CTNNA2: variants seen among roughly 807,000 people sequenced by gnomAD.
CTNNA2 encodes catenin alpha-2.
CTNNA2 carries 42 observed loss-of-function variants against 101.0 expected under a neutral mutation model. The ratio of observed to expected loss-of-function variants is 0.42; its 90% CI spans 0.32 to 0.54. CTNNA2 has a LOEUF of 0.54. Ranked by LOEUF, CTNNA2 falls within the 20% of genes least tolerant of loss-of-function variation. CTNNA2 has a pLI of 0.14. For synonymous variants in CTNNA2, 450 were observed against 456.4 expected, an observed-to-expected ratio of 0.99 and a Z score of 0.18; for missense variants, 871 against 1,223.1, an observed-to-expected ratio of 0.71 and a Z score of 4.29.
chr2:80,565,344 T>C (rs1195964964), intron 12 of CTNNA2, among the ~76,000 whole-genome samples: 2 of 152,090 alleles, frequency 1.3e-5, no homozygotes, highest in Admixed American at 6.6e-5. Flanking sequence ...TGAGGGCAGA[T>C]TATTTCACAG....
chr2:79,442,912 C>T (rs148532819), intron 4 of CTNNA2, among the ~76,000 whole-genome samples: 1 of 152,230 alleles, frequency 6.6e-6, no homozygotes, highest in African/African-American at 2.4e-5. Flanking sequence ...CTCCACCTCA[C>T]ACATGCTTAC....
chr2:80,475,106 C>A (rs373964698), intron 9 of CTNNA2, among the ~76,000 whole-genome samples: 5 of 152,060 alleles, frequency 3.3e-5, no homozygotes, highest in Non-Finnish European at 7.4e-5. Context: ...TCATCAGCAC[C>A]CTTTTCCAAA....
chr2:80,572,810 A>G (rs1573318998), intron 12 of CTNNA2: 2 of 148,674 alleles, frequency 1.3e-5, no homozygotes, highest in African/African-American at 2.6e-5. Flanking sequence ...TAGAGAACCA[A>G]TTATAGTAAT....
intron 3 of CTNNA2, among the ~76,000 whole-genome samples, chr2:79,763,303 A>G (rs1023256298): frequency 6.6e-6 from 1 of 152,182 alleles, no homozygotes; most frequent in Non-Finnish European, 1.5e-5. Context: ...ATTCAGCTTT[A>G]TATTCATCTT....
At position 79,457,593 on chromosome 2, in the gene CTNNA2, T is replaced by C. The variant is rs62157002; in HGVS notation, c.-134-47461T>C. The stretch of plus-strand genomic sequence containing the variant: ...AGAGCAAGCCCAGTTATAAGGCTCA[T>C]ATGAAAAACATATATGTTGTCAGTT... On this transcript the variant is annotated intron_variant, in intron 4 of 21. Coordinates refer to the CTNNA2 transcript ENST00000466387. Among the ~76,000 whole-genome samples, 967 of 152,294 alleles carry C rather than the reference T, an allele frequency of 6.3e-3. 7 individuals carry two copies. The highest frequency in any genetic ancestry group is 0.011 in the Non-Finnish European group (715 of 68,022).
At chr2:80,274,231 C>T (rs1673719379) in intron 7 of CTNNA2, among the ~76,000 whole-genome samples, 1 of 152,080 alleles carries the variant, frequency 6.6e-6, no homozygotes, top group South Asian at 2.1e-4. Context: ...CATTATGAGG[C>T]CTTTGGTTGT....
intron 1 of CTNNA2, among the ~76,000 whole-genome samples, chr2:79,610,684 C>G (rs897427025): frequency 2.2e-4 from 34 of 152,028 alleles, no homozygotes; most frequent in African/African-American, 7.5e-4. Flanking sequence ...GAAAATGCAT[C>G]AGTGATTTCC....
At chr2:80,018,170 C>A (rs1440404929) in intron 7 of CTNNA2, among the ~76,000 whole-genome samples, 1 of 152,088 alleles carries the variant, frequency 6.6e-6, no homozygotes, top group Non-Finnish European at 1.5e-5. Context: ...GCTCTGTTAG[C>A]TTCTATTCAT....
chr2:79,678,998 G>T (rs951172998), intron 2 of CTNNA2, among the ~76,000 whole-genome samples: 42 of 152,184 alleles, frequency 2.8e-4, no homozygotes, highest in Admixed American at 1.6e-3. Flanking sequence ...GATTTGTGGG[G>T]TTTTTTTAGC....
chr2:80,399,544 A>G (rs552086061), intron 8 of CTNNA2, among the ~76,000 whole-genome samples: 1 of 152,304 alleles, frequency 6.6e-6, no homozygotes, highest in African/African-American at 2.4e-5. Flanking sequence ...GGGATCTATA[A>G]CGTAAGTATG....
At chr2:80,201,668 C>T (rs1707223410) in intron 7 of CTNNA2, among the ~76,000 whole-genome samples, 1 of 152,102 alleles carries the variant, frequency 6.6e-6, no homozygotes. Flanking sequence ...AGCCACCGTG[C>T]CCGGCCACAA....
chr2:80,392,401 A>G (rs551396312), intron 7 of CTNNA2, among the ~76,000 whole-genome samples: 1 of 152,210 alleles, frequency 6.6e-6, no homozygotes, highest in Non-Finnish European at 1.5e-5. Context: ...ATTGTCATCC[A>G]TAAAGTTTAT....
intron 9 of CTNNA2, among the ~76,000 whole-genome samples, chr2:80,542,619 C>G (rs1431932149): frequency 6.6e-6 from 1 of 151,748 alleles, no homozygotes; most frequent in Non-Finnish European, 1.5e-5. Flanking sequence ...TTACCTGATT[C>G]TTGGGGCATT....
At chr2:80,240,739 G>A (rs1042193572) in intron 7 of CTNNA2, among the ~76,000 whole-genome samples, 1 of 152,108 alleles carries the variant, frequency 6.6e-6, no homozygotes, top group Admixed American at 6.6e-5. Context: ...GGGAATGTAA[G>A]ATCATTAAAA....
chr2:80,253,290 T>C lies in CTNNA2; in HGVS notation c.1057-139921T>C, dbSNP rs147221252. 2.8e-4 allele frequency among the ~76,000 whole-genome samples: 43 copies of C among 152,282 alleles called. No individual in the cohort carries two copies. In the East Asian group the frequency reaches 7.5e-3, roughly 27 times the overall value. On this transcript the variant is annotated intron_variant, in intron 7 of 18. Transcript: ENST00000402739. ...TTGCACTATATGATATCTAAGTACA[T>C]TTTACTAAGACATCTCAATTAATTT...
rs114374173 is a variant in CTNNA2 at position 79,940,105 on chromosome 2, A to G, written c.1056+30308A>G. On this transcript the variant is annotated intron_variant, in intron 7 of 18. Coordinates refer to ENST00000402739, the MANE Select transcript of CTNNA2 (RefSeq NM_001282597.3). The stretch of plus-strand genomic sequence containing the variant: ...CCAAAACCAAAACAAACAAAAACCC[A>G]CATGGACCCTACTAATTTGCCTAAA... Among the ~76,000 whole-genome samples, 389 of 152,286 alleles carry G rather than the reference A, an allele frequency of 2.6e-3. 1 individual carries two copies. The highest frequency in any genetic ancestry group is 4.5e-3 in the Non-Finnish European group (304 of 68,018).
At chr2:79,833,249 T>G (rs571076439) in intron 3 of CTNNA2, among the ~76,000 whole-genome samples, 50 of 152,306 alleles carry the variant, frequency 3.3e-4, no homozygotes, top group Middle Eastern at 3.4e-3. Context: ...ATCAGAAAGG[T>G]AGGCTAGCCC....
intron 1 of CTNNA2, 94 bp from the exon 2 acceptor site, chr2:79,651,458 T>G (rs900776816): frequency 8.4e-7 from 1 of 1,189,458 alleles, no homozygotes; most frequent in African/African-American, 1.5e-5. Flanking sequence ...TTCCAGTATG[T>G]TCTAAGTTTC....
At chr2:79,523,869 C>G (rs1305478398) in intron 1 of CTNNA2, among the ~76,000 whole-genome samples, 1 of 151,960 alleles carries the variant, frequency 6.6e-6, no homozygotes, top group Non-Finnish European at 1.5e-5. Context: ...GTCTAATGGC[C>G]TAATGTCTTG....
Sources: gnomAD v4.1 joint callset for allele counts (sites outside exome capture counted in the v4.1 genomes callset) on GRCh38, gnomAD v4.1.1 for gene constraint, MANE v1.5 for transcripts, NCBI Gene and HGNC (gene_info 2026-07-23, HGNC 2026-07-21) for gene names.